The following RBM26 variants were observed in gnomAD, a reference collection of about 807,000 sequenced individuals.
The protein encoded by RBM26 is RNA-binding protein 26.
A neutral mutation model predicts 123.6 loss-of-function variants in RBM26; 30 were observed. That is an observed-to-expected ratio of 0.24 (90% CI 0.18 to 0.33). The LOEUF (loss-of-function observed/expected upper bound fraction) is 0.33. Ranked by LOEUF, RBM26 falls within the 10% of genes least tolerant of loss-of-function variation. The pLI, the probability that RBM26 is intolerant of heterozygous loss-of-function variation, is 1.00. For synonymous variants in RBM26, 400 were observed against 404.4 expected (o/e 0.99, Z 0.13); for missense variants, 947 against 1,203.6 (o/e 0.79, Z 3.15).
intron 14 of RBM26, among the ~76,000 whole-genome samples, chr13:79,349,544 C>T (rs777498956): frequency 2.0e-5 from 3 of 151,852 alleles, no homozygotes; most frequent in Non-Finnish European, 4.4e-5. Flanking sequence ...AGCTTAGTTA[C>T]TACAAAGTTC....
At chr13:79,354,322 G>A in intron 13 of RBM26, 117 bp downstream of exon 13, 1 of 840,824 alleles carries the variant, frequency 1.2e-6, no homozygotes, top group Non-Finnish European at 1.6e-6. Flanking sequence ...GTTCAAATAT[G>A]TAAAGACTAT....
chr13:79,372,183 G>A (rs1018140400), intron 3 of RBM26, among the ~76,000 whole-genome samples: 1 of 152,104 alleles, frequency 6.6e-6, no homozygotes, highest in Non-Finnish European at 1.5e-5. Flanking sequence ...GGAGGCTGAG[G>A]AAAGAGAATC....
chr13:79,379,173 T>A (rs1048358257), intron 1 of RBM26, among the ~76,000 whole-genome samples: 2 of 151,950 alleles, frequency 1.3e-5, no homozygotes, highest in African/African-American at 4.8e-5. Context: ...TGGATCCAAA[T>A]GTACTAGGAA....
intron 11 of RBM26, among the ~76,000 whole-genome samples, chr13:79,357,396 G>C (rs962600436): frequency 6.6e-6 from 1 of 151,670 alleles, no homozygotes; most frequent in African/African-American, 2.4e-5. Flanking sequence ...CAAAATGGGG[G>C]AAAAATTCAA....
intron 3 of RBM26, among the ~76,000 whole-genome samples, chr13:79,374,243 TG>T (rs2076438321): frequency 6.6e-6 from 1 of 151,956 alleles, no homozygotes; most frequent in African/African-American, 2.4e-5. Flanking sequence ...CAGAGGTGGG[TG>T]GATCACTTGA....
At chr13:79,329,322 T>C (rs537971857) in intron 20 of RBM26, among the ~76,000 whole-genome samples, 17 of 152,138 alleles carry the variant, frequency 1.1e-4, no homozygotes, top group Admixed American at 1.1e-3. Context: ...TACATGTGTA[T>C]ATATGTGCAT....
At chr13:79,356,385 C>CA (rs1290686538) in intron 11 of RBM26, among the ~76,000 whole-genome samples, 256 of 12,310 alleles carry the variant, frequency 0.021, 4 homozygotes, top group Middle Eastern at 0.17. Flanking sequence ...AAAAAAAAAA[C>CA]AAACAAAAAA....
At chr13:79,346,687 G>T (rs1431326916) in intron 14 of RBM26, among the ~76,000 whole-genome samples, 1 of 152,152 alleles carries the variant, frequency 6.6e-6, no homozygotes, top group East Asian at 1.9e-4. Context: ...ATTAAACAAA[G>T]ATTTTGTTTG....
intron 8 of RBM26, 103 bp downstream of exon 8, chr13:79,365,952 A>G: frequency 2.6e-6 from 3 of 1,156,108 alleles, no homozygotes. Flanking sequence ...ACATAATTTT[A>G]GTGAGAAAAG....
rs1441040765 is a variant in RBM26 at position 79,405,922 on chromosome 13, G to A, written c.-148C>T. 8 of 369,308 alleles carry A rather than the reference G, an allele frequency of 2.2e-5. No individual in the cohort carries two copies. Among genetic ancestry groups the A allele is most frequent in the Non-Finnish European group, 3.8e-5 (8 of 212,590 alleles). The allele number at this position is 369,308 out of a possible 1,614,324, so 22.9% of individuals were successfully genotyped here. ...TGGCAGGTTCCCGCGGGCCCCGGTC[G>A]GCGAACAGCTCTGCAAGGACCGCCG... On this transcript the variant is annotated 5_prime_UTR_variant, in exon 1 of 22. Transcript: ENST00000438737.
At chr13:79,358,195 T>C (rs892910200) in intron 11 of RBM26, 79 bp downstream of exon 11, 1 of 1,225,700 alleles carries the variant, frequency 8.2e-7, no homozygotes, top group African/African-American at 1.6e-5. Flanking sequence ...AAAATATTTA[T>C]TTATAAAGGT....
At chr13:79,395,655 GA>G (rs2078493858) in intron 1 of RBM26, among the ~76,000 whole-genome samples, 1 of 152,040 alleles carries the variant, frequency 6.6e-6, no homozygotes, top group South Asian at 2.1e-4. Context: ...TGAGGCAAAA[GA>G]ATCCCTTGAG....
chr13:79,360,642 A>C (rs1438495672), intron 9 of RBM26, among the ~76,000 whole-genome samples: 1 of 152,146 alleles, frequency 6.6e-6, no homozygotes, highest in Non-Finnish European at 1.5e-5. Flanking sequence ...GTTATGATTG[A>C]AGTGAGCTGC....
intron 9 of RBM26, 122 bp from the exon 10 acceptor site, chr13:79,359,808 AAT>A (rs199615567): frequency 0.42 from 83,142 of 195,692 alleles, 18,072 homozygotes; most frequent in African/African-American, 0.55. Flanking sequence ...ATATATATAT[AAT>A]TTTTTTTTTA....
At position 79,405,863 on chromosome 13, in the gene RBM26, C is replaced by G; in HGVS notation, c.-89G>C. On this transcript the variant is annotated 5_prime_UTR_variant, in exon 1 of 22. Coordinates refer to ENST00000438737, the MANE Select transcript of RBM26 (RefSeq NM_001366735.2). ...CGCTGCCCCCGCCCCCTCCTCCGCGCGCCGCCCGCGTGGGCCGCGGTGGGA... is the reference window on the plus strand; with the variant it reads ...CGCTGCCCCCGCCCCCTCCTCCGCGGGCCGCCCGCGTGGGCCGCGGTGGGA... The G allele has an allele frequency of 1.3e-6, 1 of 765,840 alleles. No homozygotes were observed. Among genetic ancestry groups the G allele is most frequent in the Non-Finnish European group, 1.8e-6 (1 of 555,338 alleles). The allele number at this position is 765,840 out of a possible 1,614,324, so 47.4% of individuals were successfully genotyped here.
chr13:79,318,108 G>A (rs2067311944), downstream of RBM26, among the ~76,000 whole-genome samples: 1 of 151,468 alleles, frequency 6.6e-6, no homozygotes. Context: ...TTAAAAGGGA[G>A]GGTATAAGTA....
intron 9 of RBM26, among the ~76,000 whole-genome samples, chr13:79,364,896 C>G (rs1352017555): frequency 6.6e-6 from 1 of 151,748 alleles, no homozygotes; most frequent in East Asian, 1.9e-4. Flanking sequence ...AAAATAAATA[C>G]CAAGCACTAT....
intron 2 of RBM26, among the ~76,000 whole-genome samples, chr13:79,378,391 G>T (rs987698843): frequency 3.9e-5 from 6 of 152,064 alleles, no homozygotes; most frequent in African/African-American, 1.4e-4. Context: ...TAAAATTAGG[G>T]CTTCTTACCG....
chr13:79,318,297 C>G (rs2067333857), downstream of RBM26, among the ~76,000 whole-genome samples: 1 of 150,924 alleles, frequency 6.6e-6, no homozygotes, highest in Admixed American at 6.6e-5. Flanking sequence ...TGCTTGCATT[C>G]AAATCTATTT....
Sources: allele counts gnomAD v4.1 joint callset (sites outside exome capture counted in the v4.1 genomes callset), GRCh38; gene constraint gnomAD v4.1.1; transcripts MANE v1.5; gene names NCBI Gene and HGNC (gene_info 2026-07-23, HGNC 2026-07-21).